The following COL19A1 variants were observed in gnomAD, a reference collection of about 807,000 sequenced individuals.
The protein encoded by COL19A1 is collagen alpha-1(XIX) chain.
COL19A1 carries 159 observed loss-of-function variants against 190.2 expected under a neutral mutation model. The ratio of observed to expected loss-of-function variants is 0.84; its 90% CI spans 0.73 to 0.95. The LOEUF is 0.95. COL19A1 is among the 40% of genes least tolerant of loss of function. The pLI is 0.00. For missense variants in COL19A1, 1,418 were observed against 1,431.9 expected, an observed-to-expected ratio of 0.99 and a Z score of 0.16; for synonymous variants, 509 against 458.9, an observed-to-expected ratio of 1.11 and a Z score of -1.39.
At chr6:69,872,005 C>CG (rs1198175884) in intron 1 of COL19A1, among the ~76,000 whole-genome samples, 1 of 151,894 alleles carries the variant, frequency 6.6e-6, no homozygotes, top group East Asian at 1.9e-4. Flanking sequence ...TTGGTAGAGA[C>CG]GGGTTTTCAC....
intron 11 of COL19A1, among the ~76,000 whole-genome samples, chr6:69,982,703 TG>T (rs113752639): frequency 0.073 from 10,934 of 150,494 alleles, 1,321 homozygotes; most frequent in African/African-American, 0.24. Context: ...CCAGGAGCAG[TG>T]GCTCACGCCT....
At chr6:69,871,439 C>CT (rs1767815437) in intron 1 of COL19A1, among the ~76,000 whole-genome samples, 1 of 152,088 alleles carries the variant, frequency 6.6e-6, no homozygotes. Context: ...CATTATTTCC[C>CT]TTTATAATAA....
At chr6:70,063,013 C>T (rs1255988869) in intron 14 of COL19A1, among the ~76,000 whole-genome samples, 3 of 152,164 alleles carry the variant, frequency 2.0e-5, no homozygotes, top group Non-Finnish European at 4.4e-5. Flanking sequence ...GAGCCTTAGA[C>T]TCCCATACAG....
chr6:70,178,931 A>G (rs1418871567), intron 42 of COL19A1, among the ~76,000 whole-genome samples: 1 of 152,216 alleles, frequency 6.6e-6, no homozygotes, highest in South Asian at 2.1e-4. Flanking sequence ...TCTCCCCCGG[A>G]TGCTCTGAGT....
intron 4 of COL19A1, among the ~76,000 whole-genome samples, chr6:69,922,058 C>T (rs1184969164): frequency 6.6e-6 from 1 of 151,982 alleles, no homozygotes; most frequent in Admixed American, 6.6e-5. Context: ...TTTGGCAAGA[C>T]CCAGAGAAAC....
intron 4 of COL19A1, among the ~76,000 whole-genome samples, chr6:69,905,448 A>T (rs533891579): frequency 6.6e-6 from 1 of 152,138 alleles, no homozygotes; most frequent in East Asian, 1.9e-4. Flanking sequence ...CTCTCTGGGC[A>T]TGAGTGAGCT....
intron 14 of COL19A1, among the ~76,000 whole-genome samples, chr6:70,036,567 A>G (rs1053949103): frequency 6.6e-6 from 1 of 152,142 alleles, no homozygotes; most frequent in African/African-American, 2.4e-5. Context: ...TTATATTCAG[A>G]TACAATTTAC....
chr6:69,898,936 CT>C lies in COL19A1; in HGVS notation c.92-7del. The C allele has an allele frequency of 6.4e-7, 1 of 1,555,694 alleles. No individual in the cohort carries two copies. Among genetic ancestry groups the C allele is most frequent in the East Asian group, 2.3e-5 (1 of 44,306 alleles). ...AATGCAAATCCTCTATGCTTTTTTTCTTTTTAAATAGAAGAGTCATGCCCTA... is the reference window on the plus strand; with the variant it reads ...AATGCAAATCCTCTATGCTTTTTTTCTTTTAAATAGAAGAGTCATGCCCTA... On this transcript the variant is annotated splice_polypyrimidine_tract_variant and intron_variant, in intron 2 of 50. Coordinates refer to ENST00000620364, the MANE Select transcript of COL19A1 (RefSeq NM_001858.6).
At position 70,038,420 on chromosome 6, in the gene COL19A1, T is replaced by C. The variant is rs1031813952; in HGVS notation, c.1170+2481T>C. Among the ~76,000 whole-genome samples the C allele has an allele frequency of 2.0e-5, 3 of 152,228 alleles. 1 individual carries two copies. The South Asian group carries it at 6.2e-4, about 32-fold the overall frequency. On this transcript the variant is annotated intron_variant, in intron 14 of 50. Transcript: ENST00000620364. ...GGGAACTAGAATGGAAAAAGCTTTC[T>C]TCCTACTCAAAAAAATTATATCAGA...
chr6:69,958,762 G>A (rs1774587947), intron 9 of COL19A1, among the ~76,000 whole-genome samples: 1 of 151,988 alleles, frequency 6.6e-6, no homozygotes, highest in Non-Finnish European at 1.5e-5. Flanking sequence ...GACATCTCTG[G>A]TAAGAACCAC....
chr6:70,122,011 AC>A, intron 17 of COL19A1, 69 bp downstream of exon 17: 1 of 1,023,058 alleles, frequency 9.8e-7, no homozygotes, highest in Admixed American at 2.4e-5. Flanking sequence ...TTGAAAAAAA[AC>A]TTATTAATTC....
chr6:69,951,576 C>T (rs989739093), intron 9 of COL19A1, among the ~76,000 whole-genome samples: 3 of 151,902 alleles, frequency 2.0e-5, no homozygotes, highest in African/African-American at 7.2e-5. Flanking sequence ...GTAACCTTGA[C>T]CTCTTAAAAC....
chr6:70,184,591 C>T, intron 44 of COL19A1, 112 bp from the exon 45 acceptor site: 1 of 838,254 alleles, frequency 1.2e-6, no homozygotes. Flanking sequence ...CTTTCTTTAC[C>T]AAGCTCTCAG....
At chr6:70,035,595 A>G (rs1017905915) in intron 13 of COL19A1, among the ~76,000 whole-genome samples, 1 of 152,194 alleles carries the variant, frequency 6.6e-6, no homozygotes, top group Admixed American at 6.5e-5. Context: ...GCAAGTAAAC[A>G]TACTTGAAAA....
At chr6:70,036,086 A>T (rs9454948) in intron 14 of COL19A1, 147 bp downstream of exon 14, 1 of 718,286 alleles carries the variant, frequency 1.4e-6, no homozygotes, top group Non-Finnish European at 2.4e-6. Flanking sequence ...TCCACATTTT[A>T]AAGATGGGGC....
intron 2 of COL19A1, chr6:69,891,062 G>C: frequency 3.0e-6 from 1 of 334,592 alleles, no homozygotes; most frequent in Non-Finnish European, 6.2e-6. Context: ...GGAGTTTGAT[G>C]GCCTGAAGGC....
chr6:69,981,928 CA>C (rs1453642674), intron 11 of COL19A1, among the ~76,000 whole-genome samples: 2 of 151,884 alleles, frequency 1.3e-5, no homozygotes, highest in African/African-American at 4.8e-5. Context: ...TCAAGAAAAG[CA>C]CAAGAGAAAT....
At chr6:70,196,771 A>G (rs1218536208) in intron 48 of COL19A1, among the ~76,000 whole-genome samples, 7 of 152,230 alleles carry the variant, frequency 4.6e-5, no homozygotes, top group Non-Finnish European at 4.4e-5. Flanking sequence ...ATTAGAAAGC[A>G]TAGCCAAAAA....
intron 6 of COL19A1, 92 bp from the exon 7 acceptor site, chr6:69,932,691 T>A (rs112494963): frequency 7.4e-6 from 5 of 673,142 alleles, no homozygotes; most frequent in African/African-American, 7.4e-5. Flanking sequence ...ATTAGCTTCC[T>A]TTTTCTTTCT....
Sources: gnomAD v4.1 joint callset for allele counts (sites outside exome capture counted in the v4.1 genomes callset) on GRCh38, gnomAD v4.1.1 for gene constraint, MANE v1.5 for transcripts, NCBI Gene and HGNC (gene_info 2026-07-23, HGNC 2026-07-21) for gene names.